Variants in CACNG7 observed in about 807,000 individuals in gnomAD.
The protein encoded by CACNG7 is calcium voltage-gated channel auxiliary subunit gamma 7.
A neutral mutation model predicts 26.3 loss-of-function variants in CACNG7; 9 were observed. The ratio of observed to expected loss-of-function variants is 0.34; its 90% CI spans 0.21 to 0.60. The LOEUF (loss-of-function observed/expected upper bound fraction) is 0.60, where lower values mean the gene tolerates loss of function less well. Among genes scored for constraint, CACNG7 ranks in the 20% least tolerant of loss-of-function variants. The pLI, the probability that CACNG7 is intolerant of heterozygous loss-of-function variation, is 0.81. For missense variants in CACNG7, 297 were observed against 380.4 expected, an observed-to-expected ratio of 0.78 and a Z score of 1.82; for synonymous variants, 170 against 157.0, an observed-to-expected ratio of 1.08 and a Z score of -0.62.
At chr19:53,918,509 C>T (rs1359053771) in intron 4 of CACNG7, among the ~76,000 whole-genome samples, 1 of 151,982 alleles carries the variant, frequency 6.6e-6, no homozygotes, top group Non-Finnish European at 1.5e-5. Context: ...GGTAAAAATC[C>T]TGCTTAGCTC....
Position 53,941,538 on chromosome 19 carries a change from A to C in CACNG7, c.493A>C (p.Ser165Arg). 6.2e-7 allele frequency: 1 copy of C among 1,606,344 alleles called. No homozygotes were observed. Among genetic ancestry groups the C allele is most frequent in the East Asian group, 2.2e-5 (1 of 44,540 alleles). The change falls in exon 5 of 6, where the codon AGC (serine) becomes CGC (arginine). Residue 165 changes from serine (S) to arginine (R), a missense_variant. Physicochemically the swap from Ser to Arg is moderately radical, Grantham distance 110. Coordinates refer to ENST00000391767, the MANE Select transcript of CACNG7 (RefSeq NM_031896.5). ...SINDEVMNRP[S>R]SSEQYFHYRY... ...CAACGACGAGGTCATGAACAGGCCCAGCAGCTCTGAGCAGTATTTTCATTA... is the reference window on the plus strand; with the variant it reads ...CAACGACGAGGTCATGAACAGGCCCCGCAGCTCTGAGCAGTATTTTCATTA...
At chr19:53,932,800 T>C (rs975115773) in intron 4 of CACNG7, among the ~76,000 whole-genome samples, 25 of 151,946 alleles carry the variant, frequency 1.6e-4, no homozygotes, top group Non-Finnish European at 2.9e-4. Flanking sequence ...TCGTTTAATA[T>C]GTTCATCTAT....
At chr19:53,919,690 C>A (rs2068924329) in intron 4 of CACNG7, among the ~76,000 whole-genome samples, 2 of 143,568 alleles carry the variant, frequency 1.4e-5, no homozygotes, top group South Asian at 2.3e-4. Context: ...GTGGAGTTGC[C>A]CCAGGTCTGG....
chr19:53,923,825 T>TCTGGTCATTGGTGGAGTTGCCTCAGG lies in CACNG7; in HGVS notation c.424+8341_424+8342insTCAGGCTGGTCATTGGTGGAGTTGCC, dbSNP rs1568776695. ...TGGTCATTGGTGGAGTTGCCCCAGG[T>TCTGGTCATTGGTGGAGTTGCCTCAGG]CTGGTCATTGGTGGAGTTGCCCCAG... On this transcript the variant is annotated intron_variant, in intron 4 of 5. Coordinates refer to ENST00000391767, the MANE Select transcript of CACNG7 (RefSeq NM_031896.5). Among the ~76,000 whole-genome samples the TCTGGTCATTGGTGGAGTTGCCTCAGG allele has an allele frequency of 1.1e-3, 52 of 45,758 alleles. 10 individuals are homozygous for TCTGGTCATTGGTGGAGTTGCCTCAGG. Among genetic ancestry groups the TCTGGTCATTGGTGGAGTTGCCTCAGG allele is most frequent in the African/African-American group, 0.011 (50 of 4,418 alleles). The allele number at this position is 45,758 out of a possible 152,430, so 30.0% of individuals were successfully genotyped here.
intron 4 of CACNG7, among the ~76,000 whole-genome samples, chr19:53,923,113 G>C (rs2068978479): frequency 3.1e-5 from 4 of 129,570 alleles, no homozygotes; most frequent in Non-Finnish European, 6.5e-5. Context: ...GTCATTGGTG[G>C]AGTTGCCCCA....
At chr19:53,924,399 CCTGGTCATTGGTGGAGTTGCCCCAGGT>C (rs1214316920) in intron 4 of CACNG7, among the ~76,000 whole-genome samples, 3 of 113,812 alleles carry the variant, frequency 2.6e-5, no homozygotes, top group Non-Finnish European at 5.4e-5. Flanking sequence ...TGTCCCCAGG[CCTGGTCATTGGTGGAGTTGCCCCAGGT>C]CTGGTCATTG....
chr19:53,928,783 T>G (rs1477165035), intron 4 of CACNG7, among the ~76,000 whole-genome samples: 2 of 151,870 alleles, frequency 1.3e-5, no homozygotes, highest in Non-Finnish European at 2.9e-5. Flanking sequence ...GAAACGGAGA[T>G]GAGGATTTTG....
intron 4 of CACNG7, among the ~76,000 whole-genome samples, chr19:53,932,871 G>A (rs1437465761): frequency 4.2e-5 from 5 of 119,894 alleles, no homozygotes; most frequent in African/African-American, 9.6e-5. Flanking sequence ...TTCCGCTCTT[G>A]TCGTCCAGGC....
chr19:53,918,000 C>T (rs979258777), intron 4 of CACNG7, among the ~76,000 whole-genome samples: 1 of 152,130 alleles, frequency 6.6e-6, no homozygotes, highest in Non-Finnish European at 1.5e-5. Context: ...TAGAGTAATT[C>T]GGAAGAGATT....
At chr19:53,924,077 C>CATTGGTGGAGTTGTCCCCAGGTCTGGGT (rs2068996864) in intron 4 of CACNG7, among the ~76,000 whole-genome samples, 1 of 123,856 alleles carries the variant, frequency 8.1e-6, no homozygotes, top group African/African-American at 3.5e-5. Flanking sequence ...CAGGTCTGGT[C>CATTGGTGGAGTTGTCCCCAGGTCTGGGT]ATTGGTGGAG....
At chr19:53,920,091 C>T (rs2068929798) in intron 4 of CACNG7, among the ~76,000 whole-genome samples, 2 of 105,942 alleles carry the variant, frequency 1.9e-5, no homozygotes, top group South Asian at 7.0e-4. Context: ...TTGCCCCAGG[C>T]TGGTCATTGG....
Position 53,912,269 on chromosome 19 carries a change from G to A in CACNG7, c.-29-534G>A, listed in dbSNP as rs934823085. 1.3e-5 allele frequency among the ~76,000 whole-genome samples: 2 copies of A among 152,140 alleles called. No individual in the cohort carries two copies. Among genetic ancestry groups the A allele is most frequent in the African/African-American group, 4.8e-5 (2 of 41,416 alleles). ...CAGAGACAGGGCTGCAGGATGCCAG[G>A]TCCTAGAGCTGAAATCATTGATCTG... On this transcript the variant is annotated intron_variant, in intron 1 of 5. Coordinates refer to ENST00000391767, the MANE Select transcript of CACNG7 (RefSeq NM_031896.5). The surrounding 1 kb of genome is among the most constrained non-coding windows in gnomAD (Gnocchi z 4.6).
intron 4 of CACNG7, among the ~76,000 whole-genome samples, chr19:53,916,484 T>A (rs2068898353): frequency 1.0e-5 from 1 of 98,462 alleles, no homozygotes; most frequent in Non-Finnish European, 1.9e-5. Context: ...TTTTTCTTTC[T>A]TTCTTTTTTT....
chr19:53,941,349 G>A, intron 4 of CACNG7, 121 bp from the exon 5 acceptor site: 1 of 1,143,272 alleles, frequency 8.7e-7, no homozygotes, highest in East Asian at 2.8e-5. Flanking sequence ...CAGCATACAA[G>A]GGGCTTCAGG....
chr19:53,913,050 A>T, intron 2 of CACNG7, 23 bp downstream of exon 2: 1 of 1,594,118 alleles, frequency 6.3e-7, no homozygotes, highest in Non-Finnish European at 8.6e-7. Context: ...CCCGTCTTCC[A>T]CTCAACAGTT....
Position 53,915,441 on chromosome 19 carries a change from C to T in CACNG7, c.360C>T (p.Ile120=). 1 of 1,614,092 alleles carries T rather than the reference C, an allele frequency of 6.2e-7. No individual in the cohort carries two copies. Among genetic ancestry groups the T allele is most frequent in the Non-Finnish European group, 8.5e-7 (1 of 1,179,996 alleles). Residue 120 remains isoleucine, a synonymous_variant, in exon 4 of 6, where the codon ATC becomes ATT. Coordinates refer to ENST00000391767, the MANE Select transcript of CACNG7 (RefSeq NM_031896.5). ...LVFTAFVISN[I]GHIRPQRTIL... ...TCACGGCCTTCGTCATCAGCAACAT[C>T]GGCCACATCCGCCCGCAGAGGACCA... is the stretch of plus-strand genomic sequence containing the variant.
At chr19:53,924,155 T>A (rs866104832) in intron 4 of CACNG7, among the ~76,000 whole-genome samples, 16 of 146,150 alleles carry the variant, frequency 1.1e-4, no homozygotes, top group African/African-American at 3.9e-4. Context: ...GCCCCAGGTC[T>A]GGTCATTGGT....
chr19:53,941,911 C>A, intron 5 of CACNG7, 125 bp from the exon 6 acceptor site: 1 of 1,289,674 alleles, frequency 7.8e-7, no homozygotes, highest in Non-Finnish European at 1.0e-6. Flanking sequence ...GAGCCCTGAT[C>A]CTGGGTCCTG....
intron 4 of CACNG7, among the ~76,000 whole-genome samples, chr19:53,918,726 T>C (rs2068914495): frequency 6.6e-6 from 1 of 152,212 alleles, no homozygotes; most frequent in African/African-American, 2.4e-5. Flanking sequence ...GTAGTAGCAG[T>C]ACGAGTAGTA....
Sources: gnomAD v4.1 joint callset for allele counts (sites outside exome capture counted in the v4.1 genomes callset) on GRCh38, gnomAD v4.1.1 for gene constraint, Gnocchi (gnomAD v3.1) non-coding constraint, MANE v1.5 for transcripts, NCBI Gene and HGNC (gene_info 2026-07-23, HGNC 2026-07-21) for gene names.